IL20RA: variants seen among roughly 807,000 people sequenced by gnomAD.
IL20RA encodes the protein interleukin 20 receptor subunit alpha, also known as interleukin-20 receptor subunit alpha.
A neutral mutation model predicts 36.5 loss-of-function variants in IL20RA; 29 were observed. The observed-to-expected ratio is 0.79, with a 90% CI of 0.59 to 1.08. IL20RA has a LOEUF of 1.08. IL20RA is among the 50% of genes least tolerant of loss of function. The probability of loss-of-function intolerance (pLI) is 0.00; values close to 1 mark genes in which losing one functional copy is unlikely to be tolerated. For missense variants in IL20RA, 652 were observed against 668.4 expected, an observed-to-expected ratio of 0.98 and a Z score of 0.27; for synonymous variants, 279 against 267.1, an observed-to-expected ratio of 1.04 and a Z score of -0.43.
At chr6:137,006,848 C>T (rs1188622356) in intron 5 of IL20RA, among the ~76,000 whole-genome samples, 1 of 152,014 alleles carries the variant, frequency 6.6e-6, no homozygotes, top group Non-Finnish European at 1.5e-5. Flanking sequence ...CTCAGCTTCC[C>T]AAGTAGCTTG....
chr6:137,038,698 T>G (rs1267667466), intron 1 of IL20RA, among the ~76,000 whole-genome samples: 3 of 152,206 alleles, frequency 2.0e-5, no homozygotes, highest in Admixed American at 6.5e-5. Flanking sequence ...ATAAAATATA[T>G]GCTGCCTGAA....
rs924590581 is a variant in IL20RA at position 137,044,646 on chromosome 6, C to T, written c.83G>A (p.Arg28Gln). ...LLLLLAAPWGRAVPCVSGGLP... is the reference protein window; with the variant it reads ...LLLLLAAPWGQAVPCVSGGLP... ...TGGCGGCGCGACCCACCTACCTGCC[C>T]GTCCCCAAGGCGCCGCCAGGAGCAA... The change falls in exon 1 of 7, where the codon CGG (arginine) becomes CAG (glutamine). Residue 28 changes from arginine (R) to glutamine (Q), a missense_variant. Arg to Gln is a conservative substitution (Grantham distance 43). Coordinates refer to ENST00000316649, the MANE Select transcript of IL20RA (RefSeq NM_014432.4). 3 of 1,222,924 alleles carry T rather than the reference C, an allele frequency of 2.5e-6. No individual in the cohort carries two copies. Among genetic ancestry groups the T allele is most frequent in the Non-Finnish European group, 3.1e-6 (3 of 981,880 alleles). The allele number at this position is 1,222,924 out of a possible 1,614,324, so 75.8% of individuals were successfully genotyped here.
chr6:137,028,370 C>T (rs1156853872), intron 1 of IL20RA, among the ~76,000 whole-genome samples: 3 of 147,094 alleles, frequency 2.0e-5, no homozygotes, highest in Non-Finnish European at 4.4e-5. Context: ...GAGCTGAGAT[C>T]GTGCCACTGC....
At chr6:137,043,323 A>C (rs1187732413) in intron 1 of IL20RA, among the ~76,000 whole-genome samples, 1 of 151,130 alleles carries the variant, frequency 6.6e-6, no homozygotes, top group Non-Finnish European at 1.5e-5. Flanking sequence ...CTGGTCTGAA[A>C]CTCCTGACCT....
At chr6:137,009,268 A>T in intron 4 of IL20RA, 49 bp downstream of exon 4, 1 of 1,446,936 alleles carries the variant, frequency 6.9e-7, no homozygotes, top group Non-Finnish European at 9.7e-7. Flanking sequence ...TTCCCACATT[A>T]GCTACAGAGT....
chr6:137,023,862 G>C (rs1047166477), intron 1 of IL20RA, among the ~76,000 whole-genome samples: 1 of 152,186 alleles, frequency 6.6e-6, no homozygotes, highest in Non-Finnish European at 1.5e-5. Flanking sequence ...AGAAAGCCAA[G>C]GCAGGCAGAT....
At chr6:137,044,042 G>A (rs1486360248) in intron 1 of IL20RA, 7 of 911,732 alleles carry the variant, frequency 7.7e-6, no homozygotes, top group Admixed American at 6.2e-5. Flanking sequence ...TCTGTACATG[G>A]TCATAACTGC....
chr6:137,030,098 T>TTTTG (rs1776227985), intron 1 of IL20RA, among the ~76,000 whole-genome samples: 1 of 133,836 alleles, frequency 7.5e-6, no homozygotes, highest in African/African-American at 3.3e-5. Context: ...TTTTTTTTTT[T>TTTTG]GAGACAGGGT....
rs555654865 is a variant in IL20RA, at chr6:137,009,298, C to T, written c.579+19G>A. On this transcript the variant is annotated intron_variant, in intron 4 of 6. Transcript: ENST00000316649. ...CAGAGTGGTACATGAATGTATGCCC[C>T]ATTCCATTTCAGGCTTACCGTTCTG... 1 of 1,596,372 alleles carries T rather than the reference C, an allele frequency of 6.3e-7. No individual in the cohort carries two copies. Among genetic ancestry groups the T allele is most frequent in the East Asian group, 2.2e-5 (1 of 44,792 alleles).
In IL20RA at chr6:137,017,055, A is replaced by G; in HGVS notation, c.137T>C (p.Leu46Ser). 3 of 1,613,530 alleles carry G rather than the reference A, an allele frequency of 1.9e-6. No homozygotes were observed. The highest frequency in any genetic ancestry group is 2.2e-5 in the East Asian group (1 of 44,878). Residue 46 changes from leucine (L) to serine (S), a missense_variant, in exon 2 of 7, where the codon TTA (leucine) becomes TCA (serine). Transcript: ENST00000316649. ...TAGGACATTCTTCATGTTGATGGAT[A>G]AGAAGGTGATGTTTGCAGGTTTAGG... ...GLPKPANITF[L>S]SINMKNVLQW...
At chr6:137,010,419 T>A (rs918211477) in intron 3 of IL20RA, among the ~76,000 whole-genome samples, 1 of 152,222 alleles carries the variant, frequency 6.6e-6, no homozygotes, top group Non-Finnish European at 1.5e-5. Context: ...TCACAAAATA[T>A]TCCTTGGATT....
intron 1 of IL20RA, among the ~76,000 whole-genome samples, chr6:137,022,208 C>A (rs2115396579): frequency 6.6e-6 from 1 of 152,134 alleles, no homozygotes; most frequent in East Asian, 1.9e-4. Flanking sequence ...GATCCCACCA[C>A]ATTTTGTCAT....
At chr6:137,002,942 G>A (rs1294299216) in intron 6 of IL20RA, among the ~76,000 whole-genome samples, 3 of 152,136 alleles carry the variant, frequency 2.0e-5, no homozygotes, top group African/African-American at 7.2e-5. Context: ...AAATTCATCT[G>A]CCAGTTTACG....
chr6:137,043,300 T>C (rs1005248528), intron 1 of IL20RA, among the ~76,000 whole-genome samples: 9 of 152,084 alleles, frequency 5.9e-5, no homozygotes, highest in Non-Finnish European at 1.3e-4. Context: ...GGGGTCTCCG[T>C]ATGTTGCCCA....
At chr6:137,039,550 T>C (rs984011204) in intron 1 of IL20RA, among the ~76,000 whole-genome samples, 9 of 152,242 alleles carry the variant, frequency 5.9e-5, no homozygotes, top group South Asian at 4.2e-4. Flanking sequence ...CATACACATA[T>C]TTGCTCATCG....
rs1460572544 is a variant in IL20RA at position 137,009,307 on chromosome 6, T to A, written c.579+10A>T. ...ACATGAATGTATGCCCCATTCCATT[T>A]CAGGCTTACCGTTCTGTTTGATTTA... On this transcript the variant is annotated intron_variant, in intron 4 of 6. Transcript: ENST00000316649. 1 of 1,609,164 alleles carries A rather than the reference T, an allele frequency of 6.2e-7. No individual in the cohort carries two copies. Among genetic ancestry groups the A allele is most frequent in the East Asian group, 2.2e-5 (1 of 44,860 alleles).
intron 1 of IL20RA, among the ~76,000 whole-genome samples, chr6:137,028,862 A>AC (rs398085336): frequency 6.6e-6 from 1 of 151,306 alleles, no homozygotes; most frequent in South Asian, 2.1e-4. Context: ...ATGAAAAAAA[A>AC]ATTCAATCTC....
intron 2 of IL20RA, among the ~76,000 whole-genome samples, chr6:137,015,646 A>G (rs1775657122): frequency 6.6e-6 from 1 of 151,916 alleles, no homozygotes; most frequent in Non-Finnish European, 1.5e-5. Flanking sequence ...GCTCTCCATA[A>G]TTTTTGTTTG....
chr6:137,001,583 C>T lies in IL20RA; in HGVS notation c.1637G>A (p.Gly546Glu), dbSNP rs186439336. 2 of 1,581,508 alleles carry T rather than the reference C, an allele frequency of 1.3e-6. No homozygotes were observed. The highest frequency in any genetic ancestry group is 1.1e-5 in the South Asian group (1 of 86,976). Reference protein sequence around the residue: ...TYLMQFMEEWGLYVQMEN With the variant: ...TYLMQFMEEWELYVQMEN ...TCAGTTTTCCATCTGCACATATAAC[C>T]CCCATTCCTCCATGAATTGCATGAG... Residue 546 changes from glycine to glutamate, a missense_variant, in exon 7 of 7, where the codon GGG (glycine) becomes GAG (glutamate). By Grantham distance (98) the Gly-to-Glu change is moderately conservative. Coordinates refer to ENST00000316649, the MANE Select transcript of IL20RA (RefSeq NM_014432.4).
Sources: allele counts gnomAD v4.1 joint callset (sites outside exome capture counted in the v4.1 genomes callset), GRCh38; gene constraint gnomAD v4.1.1; transcripts MANE v1.5; gene names NCBI Gene and HGNC (gene_info 2026-07-23, HGNC 2026-07-21).